The following MAPK8IP1 variants were observed in gnomAD, a reference collection of about 807,000 sequenced individuals.
MAPK8IP1 encodes mitogen-activated protein kinase 8 interacting protein 1.
Under a neutral mutation model 72.6 loss-of-function variants are expected in MAPK8IP1, and 17 were observed. The observed-to-expected ratio is 0.23, with a 90% CI of 0.16 to 0.35. MAPK8IP1 has a LOEUF of 0.35. MAPK8IP1 is among the 10% of genes least tolerant of loss of function. The pLI is 1.00. For missense variants in MAPK8IP1, 789 were observed against 1,009.7 expected (o/e 0.78, Z 2.96); for synonymous variants, 401 against 443.4 (o/e 0.90, Z 1.20).
At chr11:45,898,262 A>T in intron 2 of MAPK8IP1, 72 bp downstream of exon 2, 1 of 1,012,776 alleles carries the variant, frequency 9.9e-7, no homozygotes, top group Middle Eastern at 2.2e-4. Flanking sequence ...GGGTATCCCC[A>T]TAGTGACAAA....
At position 45,903,516 on chromosome 11, in the gene MAPK8IP1, C is replaced by T. The variant is rs2086675502; in HGVS notation, c.1493+76C>T. 5.4e-6 allele frequency: 7 copies of T among 1,291,436 alleles called. No homozygotes were observed. Among genetic ancestry groups the T allele is most frequent in the South Asian group, 2.5e-5 (2 of 79,736 alleles). The allele number at this position is 1,291,436 out of a possible 1,614,324, so 80.0% of individuals were successfully genotyped here. On this transcript the variant is annotated intron_variant, in intron 6 of 11. Coordinates refer to ENST00000241014, the MANE Select transcript of MAPK8IP1 (RefSeq NM_005456.4). This position sits in a 1 kb window ranked among gnomAD's most constrained non-coding sequence, Gnocchi z 6.4. ...CACCACCCTCTACTTGTCACCCCTA[C>T]ATGGCCTCAGCCTAACCCCTGCCAT... is the stretch of plus-strand genomic sequence containing the variant.
chr11:45,902,162 T>G lies in MAPK8IP1; in HGVS notation c.604+101T>G, dbSNP rs2086658804. On this transcript the variant is annotated intron_variant, in intron 4 of 11. Coordinates refer to ENST00000241014, the MANE Select transcript of MAPK8IP1 (RefSeq NM_005456.4). The surrounding 1 kb of genome is among the most constrained non-coding windows in gnomAD (Gnocchi z 9.3). ...CAGTCTCCAAAGGGCTGAGTAGAGGTGAACTGCCCACCCACATCCCTGCAC... is the reference window on the plus strand; with the variant it reads ...CAGTCTCCAAAGGGCTGAGTAGAGGGGAACTGCCCACCCACATCCCTGCAC... 3.5e-6 allele frequency: 4 copies of G among 1,148,852 alleles called. No homozygotes were observed. Among genetic ancestry groups the G allele is most frequent in the African/African-American group, 1.5e-5 (1 of 65,674 alleles). 71.2% of individuals were successfully genotyped at this position (1,148,852 alleles called of 1,614,324 possible).
intron 1 of MAPK8IP1, among the ~76,000 whole-genome samples, chr11:45,893,973 G>A (rs2086585151): frequency 1.3e-5 from 2 of 152,180 alleles, no homozygotes; most frequent in South Asian, 2.1e-4. Flanking sequence ...TGGATGGGGG[G>A]TGACTTGCAC....
rs2086709704 is a variant in MAPK8IP1 at position 45,906,327 on chromosome 11, A to G, written c.*606A>G. The stretch of plus-strand genomic sequence containing the variant: ...CGGCATGCTGGCCTGTGGCAGGCCT[A>G]GGACCTCAGGCGGGGAGGAGGAGCT... On this transcript the variant is annotated 3_prime_UTR_variant, in exon 12 of 12. Transcript: ENST00000241014. 1 of 438,576 alleles carries G rather than the reference A, an allele frequency of 2.3e-6. No individual in the cohort carries two copies. Among genetic ancestry groups the G allele is most frequent in the African/African-American group, 2.0e-5 (1 of 49,718 alleles). The allele number at this position is 438,576 out of a possible 1,614,324, so 27.2% of individuals were successfully genotyped here.
At chr11:45,896,810 C>A in intron 1 of MAPK8IP1, 1 of 1,544,508 alleles carries the variant, frequency 6.5e-7, no homozygotes, top group Non-Finnish European at 8.7e-7. Context: ...GAGCCCTGGC[C>A]CCCCCACCCT....
intron 3 of MAPK8IP1, among the ~76,000 whole-genome samples, chr11:45,901,320 G>A (rs2086651780): frequency 6.6e-6 from 1 of 152,048 alleles, no homozygotes; most frequent in African/African-American, 2.4e-5. Flanking sequence ...ATGTAGAATG[G>A]GCAGCCCAGG....
At chr11:45,905,300 C>A in intron 11 of MAPK8IP1, 51 bp downstream of exon 11, 1 of 1,532,184 alleles carries the variant, frequency 6.5e-7, no homozygotes, top group Non-Finnish European at 9.0e-7. Context: ...CGCCCAATCC[C>A]AGGCCCTGGG....
rs1590788275 is a variant in MAPK8IP1 at position 45,903,343 on chromosome 11, A to G, written c.1418-22A>G. ...GGATCAGAGCTGCGACCCCCCATCC[A>G]GCCACACCACCTCACCTGCAGGTGC... On this transcript the variant is annotated intron_variant, in intron 5 of 11. Coordinates refer to ENST00000241014, the MANE Select transcript of MAPK8IP1 (RefSeq NM_005456.4). This position sits in a 1 kb window ranked among gnomAD's most constrained non-coding sequence, Gnocchi z 6.4. 6.2e-7 allele frequency: 1 copy of G among 1,612,716 alleles called. No individual in the cohort carries two copies. The highest frequency in any genetic ancestry group is 2.2e-5 in the East Asian group (1 of 44,868).
chr11:45,903,220 T>C lies in MAPK8IP1; in HGVS notation c.1417+36T>C. On this transcript the variant is annotated intron_variant, in intron 5 of 11. Coordinates refer to ENST00000241014, the MANE Select transcript of MAPK8IP1 (RefSeq NM_005456.4). This position sits in a 1 kb window ranked among gnomAD's most constrained non-coding sequence, Gnocchi z 6.4. The stretch of plus-strand genomic sequence containing the variant: ...AAGGGGAAGCAGTGGGGTGGGGGGG[T>C]CCCTAGCGGGGGCAGAGCCAAAATG... The C allele has an allele frequency of 4.0e-5, 53 of 1,317,666 alleles. No individual in the cohort carries two copies. The highest frequency in any genetic ancestry group is 5.3e-5 in the Non-Finnish European group (49 of 920,182). 81.6% of individuals were successfully genotyped at this position (1,317,666 alleles called of 1,614,324 possible).
intron 1 of MAPK8IP1, among the ~76,000 whole-genome samples, chr11:45,889,027 T>C (rs985607283): frequency 6.6e-6 from 1 of 152,214 alleles, no homozygotes; most frequent in Non-Finnish European, 1.5e-5. Flanking sequence ...AGGTTGAGTA[T>C]GCCTGATCTG....
chr11:45,901,878 G>A, intron 3 of MAPK8IP1, 102 bp from the exon 4 acceptor site: 1 of 875,062 alleles, frequency 1.1e-6, no homozygotes, highest in Non-Finnish European at 2.0e-6. Context: ...GGTGGACACA[G>A]CAAATGGCCC....
rs1287336050 is a variant in MAPK8IP1, at chr11:45,902,387, C to T, written c.620C>T (p.Pro207Leu). ...TGCTCTCCAGGGGAGCAGACACCACCGCATGAACACATCTGCCTGAGCGAT... is the reference window on the plus strand; with the variant it reads ...TGCTCTCCAGGGGAGCAGACACCACTGCATGAACACATCTGCCTGAGCGAT... Reference protein sequence around the residue: ...SPLKTGEQTPPHEHICLSDEL... With the variant: ...SPLKTGEQTPLHEHICLSDEL... The change falls in exon 5 of 12, where the codon CCG (proline) becomes CTG (leucine). Residue 207 changes from proline (P) to leucine (L), a missense_variant. By Grantham distance (98) the Pro-to-Leu change is moderately conservative. Transcript: ENST00000241014. The surrounding 1 kb of genome is among the most constrained non-coding windows in gnomAD (Gnocchi z 9.3). 4.5e-6 allele frequency: 7 copies of T among 1,569,430 alleles called. No individual in the cohort carries two copies. Among genetic ancestry groups the T allele is most frequent in the Admixed American group, 3.8e-5 (2 of 52,874 alleles).
In MAPK8IP1 at chr11:45,905,708, T is replaced by C; in HGVS notation, c.2123T>C (p.Ile708Thr). 2 of 1,613,754 alleles carry C rather than the reference T, an allele frequency of 1.2e-6. No individual in the cohort carries two copies. Among genetic ancestry groups the C allele is most frequent in the South Asian group, 1.1e-5 (1 of 91,070 alleles). The change falls in exon 12 of 12, where the codon ATC (isoleucine) becomes ACC (threonine). Residue 708 changes from isoleucine (I) to threonine (T), a missense_variant. Ile to Thr is a moderately conservative substitution (Grantham distance 89). Around this residue, in one of 4 missense-constraint regions of MAPK8IP1, gnomAD observed 188 missense variants for 293.3 expected, o/e 0.64. Coordinates refer to ENST00000241014, the MANE Select transcript of MAPK8IP1 (RefSeq NM_005456.4). The part of the protein sequence containing the change: ...FVEYTCPTED[I>T]YLE ...GAGTACACCTGCCCCACAGAAGATATCTACCTGGAGTAGCTGTGCAGCCCC... is the reference window on the plus strand; with the variant it reads ...GAGTACACCTGCCCCACAGAAGATACCTACCTGGAGTAGCTGTGCAGCCCC...
chr11:45,903,369 T>C lies in MAPK8IP1; in HGVS notation c.1422T>C (p.Ala474=), dbSNP rs371444337. The change falls in exon 6 of 12, where the codon GCT becomes GCC. Residue 474 remains alanine (A), a synonymous_variant. Coordinates refer to ENST00000241014, the MANE Select transcript of MAPK8IP1 (RefSeq NM_005456.4). This position sits in a 1 kb window ranked among gnomAD's most constrained non-coding sequence, Gnocchi z 6.4. ...GCCACACCACCTCACCTGCAGGTGC[T>C]GAGTCCTTCGGGCTGTTCTCCTGCA... ...FMSGRSRSSS[A]ESFGLFSCII... 21 of 1,613,678 alleles carry C rather than the reference T, an allele frequency of 1.3e-5. No homozygotes were observed. Among genetic ancestry groups the C allele is most frequent in the African/African-American group, 2.7e-5 (2 of 74,942 alleles).
Position 45,885,864 on chromosome 11 carries a change from C to G in MAPK8IP1, c.44C>G (p.Ser15Cys), listed in dbSNP as rs571313860. 4.1e-6 allele frequency: 6 copies of G among 1,456,216 alleles called. No individual in the cohort carries two copies. Among genetic ancestry groups the G allele is most frequent in the Non-Finnish European group, 5.5e-6 (6 of 1,100,242 alleles). 90.2% of individuals were successfully genotyped at this position (1,456,216 alleles called of 1,614,324 possible). A position where few individuals can be genotyped will look rare whatever the true frequency, so the allele number is the denominator to read the frequency against. The stretch of plus-strand genomic sequence containing the variant: ...GGCGGCCTGGGAGGGGGGGCCGCGT[C>G]CCCGCCCGCCGCCTCCCCGTTCCTG... ...ESGGLGGGAA[S>C]PPAASPFLGL... Residue 15 changes from serine to cysteine, a missense_variant, in exon 1 of 12, where the codon TCC (serine) becomes TGC (cysteine). By Grantham distance (112) the Ser-to-Cys change is moderately radical. Coordinates refer to ENST00000241014, the MANE Select transcript of MAPK8IP1 (RefSeq NM_005456.4).
Position 45,902,893 on chromosome 11 carries a change from T to C in MAPK8IP1, c.1126T>C (p.Tyr376His). ...SLSSDTSALS[Y>H]DSVKYTLVVD... ...GAGCTCGGACACCAGCGCCCTGTCC[T>C]ATGACTCTGTCAAGTACACGCTGGT... The change falls in exon 5 of 12, where the codon TAT becomes CAT. Residue 376 changes from tyrosine to histidine, a missense_variant. Physicochemically the swap from Tyr to His is moderately conservative, Grantham distance 83 (BLOSUM62 2). This residue lies in a region of MAPK8IP1 where 377 missense variants were observed against 411.7 expected (regional missense o/e 0.92). Coordinates refer to ENST00000241014, the MANE Select transcript of MAPK8IP1 (RefSeq NM_005456.4). This position sits in a 1 kb window ranked among gnomAD's most constrained non-coding sequence, Gnocchi z 9.3. The C allele has an allele frequency of 2.5e-6, 4 of 1,605,628 alleles. No homozygotes were observed. The highest frequency in any genetic ancestry group is 3.4e-6 in the Non-Finnish European group (4 of 1,176,520).
intron 1 of MAPK8IP1, among the ~76,000 whole-genome samples, chr11:45,897,758 C>T (rs1435389680): frequency 6.6e-6 from 1 of 152,224 alleles, no homozygotes; most frequent in Non-Finnish European, 1.5e-5. Context: ...TGGCACCTGC[C>T]TTGACCCTGG....
Position 45,902,943 on chromosome 11 carries a change from G to A in MAPK8IP1, c.1176G>A (p.Glu392=), listed in dbSNP as rs780710317. ...TGGTAGATGAGCATGCACAGCTGGA[G>A]CTGGTGAGCCTGCGGCCGTGCTTCG... is the stretch of plus-strand genomic sequence containing the variant. The part of the protein sequence containing the change: ...TLVVDEHAQL[E]LVSLRPCFGD... Residue 392 remains glutamate, a synonymous_variant, in exon 5 of 12, where the codon GAG becomes GAA. Coordinates refer to ENST00000241014, the MANE Select transcript of MAPK8IP1 (RefSeq NM_005456.4). The surrounding 1 kb of genome is among the most constrained non-coding windows in gnomAD (Gnocchi z 9.3). 1 of 1,611,906 alleles carries A rather than the reference G, an allele frequency of 6.2e-7. No individual in the cohort carries two copies. The highest frequency in any genetic ancestry group is 1.1e-5 in the South Asian group (1 of 90,850).
chr11:45,902,191 C>A lies in MAPK8IP1; in HGVS notation c.604+130C>A. ...CTGCCCACCCACATCCCTGCACGAG[C>A]CCATCCAGGGGCTGAGATCAGTGGT... On this transcript the variant is annotated intron_variant, in intron 4 of 11. Transcript: ENST00000241014. The surrounding 1 kb of genome is among the most constrained non-coding windows in gnomAD (Gnocchi z 9.3). 1 of 1,018,534 alleles carries A rather than the reference C, an allele frequency of 9.8e-7. No individual in the cohort carries two copies. Among genetic ancestry groups the A allele is most frequent in the Non-Finnish European group, 1.6e-6 (1 of 641,554 alleles). 63.1% of individuals were successfully genotyped at this position (1,018,534 alleles called of 1,614,324 possible).
Sources: gnomAD v4.1 joint callset for allele counts (sites outside exome capture counted in the v4.1 genomes callset) on GRCh38, gnomAD v4.1.1 for gene constraint, gnomAD v4.1.1 regional missense constraint, Gnocchi (gnomAD v3.1) non-coding constraint, MANE v1.5 for transcripts, NCBI Gene and HGNC (gene_info 2026-07-23, HGNC 2026-07-21) for gene names.